The following STK16 variants were observed in gnomAD, a reference collection of about 807,000 sequenced individuals.
STK16 encodes the protein serine/threonine-protein kinase 16.
Under a neutral mutation model 37.8 loss-of-function variants are expected in STK16, and 28 were observed. The observed-to-expected ratio is 0.74, with a 90% CI of 0.55 to 1.02. The LOEUF (loss-of-function observed/expected upper bound fraction) is 1.02. STK16 is among the 50% of genes least tolerant of loss of function. STK16 has a pLI of 0.00. For synonymous variants in STK16, 134 were observed against 155.0 expected, an observed-to-expected ratio of 0.86 and a Z score of 1.01; for missense variants, 349 against 390.6, an observed-to-expected ratio of 0.89 and a Z score of 0.90.
At position 219,249,786 on chromosome 2, in the gene STK16, C is replaced by T; in HGVS notation, c.*1227C>T. ...AGACAGGAAGCTATGCAAAGCTGCT[C>T]AGAGGTGCAGTGGCACAAACAACTC... On this transcript the variant is annotated 3_prime_UTR_variant, in exon 8 of 8. Coordinates refer to ENST00000396738, the MANE Select transcript of STK16 (RefSeq NM_001330213.2). The T allele has an allele frequency of 6.5e-6, 1 of 153,698 alleles. No homozygotes were observed. The allele number at this position is 153,698 out of a possible 1,614,324, so 9.5% of individuals were successfully genotyped here. A position where few individuals can be genotyped will look rare whatever the true frequency, so the allele number is the denominator to read the frequency against.
rs371450121 is a variant in STK16 at position 219,247,224 on chromosome 2, C to A, written c.418C>A (p.His140Asn). Residue 140 changes from histidine (H) to asparagine (N), a missense_variant, in exon 4 of 8, where the codon CAT becomes AAT. By Grantham distance (68) the His-to-Asn change is moderately conservative (BLOSUM62 1). Transcript: ENST00000396738. ...GATCTGCAGAGGCCTTGAGGCCATT[C>A]ATGCCAAGGGTTATGCCCACAGGTC... is the stretch of plus-strand genomic sequence containing the variant. The part of the protein sequence containing the change: ...LGICRGLEAI[H>N]AKGYAHRDLK... The A allele has an allele frequency of 6.2e-7, 1 of 1,614,114 alleles. No homozygotes were observed. Among genetic ancestry groups the A allele is most frequent in the Non-Finnish European group, 8.5e-7 (1 of 1,180,050 alleles).
Position 219,246,766 on chromosome 2 carries a change from G to A in STK16, c.196G>A (p.Ala66Thr). 3 of 1,614,230 alleles carry A rather than the reference G, an allele frequency of 1.9e-6. No homozygotes were observed. The highest frequency in any genetic ancestry group is 2.2e-5 in the South Asian group (2 of 91,088). The change falls in exon 3 of 8, where the codon GCC becomes ACC. Residue 66 changes from alanine (A) to threonine (T), a missense_variant. Ala to Thr is a moderately conservative substitution (Grantham distance 58). Coordinates refer to ENST00000396738, the MANE Select transcript of STK16 (RefSeq NM_001330213.2). This position sits in a 1 kb window ranked among gnomAD's most constrained non-coding sequence, Gnocchi z 4.5. ...GGACCGGGAGGAGGCCCAGCGAGAA[G>A]CCGACATGCATCGCCTCTTCAATCA... Reference protein sequence around the residue: ...QQDREEAQREADMHRLFNHPN... With the variant: ...QQDREEAQRETDMHRLFNHPN...
In STK16 at chr2:219,248,465, T is replaced by C. The variant is rs1196908754; in HGVS notation, c.824T>C (p.Val275Ala). 32 of 1,614,166 alleles carry C rather than the reference T, an allele frequency of 2.0e-5. No individual in the cohort carries two copies. Among genetic ancestry groups the C allele is most frequent in the Non-Finnish European group, 2.7e-5 (32 of 1,180,024 alleles). ...CAGCTCCTGAACTCGATGATGACCGTGGACCCGCATCAGCGTCCTCACATT... is the reference window on the plus strand; with the variant it reads ...CAGCTCCTGAACTCGATGATGACCGCGGACCCGCATCAGCGTCCTCACATT... Reference protein sequence around the residue: ...LRQLLNSMMTVDPHQRPHIPL... With the variant: ...LRQLLNSMMTADPHQRPHIPL... Residue 275 changes from valine (V) to alanine (A), a missense_variant, in exon 8 of 8, where the codon GTG (valine) becomes GCG (alanine). Physicochemically the swap from Val to Ala is moderately conservative, Grantham distance 64. Coordinates refer to ENST00000396738, the MANE Select transcript of STK16 (RefSeq NM_001330213.2).
chr2:219,248,011 A>T, intron 6 of STK16, 182 bp from the exon 7 acceptor site: 4 of 951,666 alleles, frequency 4.2e-6, no homozygotes, highest in Non-Finnish European at 6.5e-6. Context: ...AGCAGGGGCT[A>T]AGCTAAACAG....
chr2:219,247,371 T>C (rs1050895209), intron 4 of STK16, 44 bp from the exon 5 acceptor site: 3 of 1,610,910 alleles, frequency 1.9e-6, no homozygotes, highest in South Asian at 2.2e-5. Flanking sequence ...GATTCCAGCC[T>C]TCCTGTCCAG....
intron 6 of STK16, 130 bp downstream of exon 6, chr2:219,247,887 C>A (rs1272541650): frequency 1.1e-6 from 1 of 935,478 alleles, no homozygotes; most frequent in Non-Finnish European, 1.7e-6. Flanking sequence ...TCCACTTCAA[C>A]TTCCTTCCTG....
rs528622199 is a variant in STK16, at chr2:219,247,148, G to C, written c.342G>C (p.Lys114Asn). The C allele has an allele frequency of 3.7e-6, 6 of 1,614,210 alleles. No homozygotes were observed. In the African/African-American group the frequency reaches 8.0e-5, roughly 22 times the overall value. ...TGTGGAATGAGATAGAAAGGCTGAA[G>C]GACAAAGGCAACTTCCTGACCGAGG... ...GTLWNEIERL[K>N]DKGNFLTEDQ... Residue 114 changes from lysine to asparagine, a missense_variant, in exon 4 of 8, where the codon AAG becomes AAC. Transcript: ENST00000396738.
rs8447 is a variant in STK16 at position 219,248,662 on chromosome 2, G to A, written c.*103G>A. On this transcript the variant is annotated 3_prime_UTR_variant, in exon 8 of 8. Transcript: ENST00000396738. ...CCATCCAGGACTTCTCTTACACTTG[G>A]GGGTAGCGGGGTCAGGACAATCATC... 944,663 of 1,444,730 alleles carry A rather than the reference G, an allele frequency of 0.65. 321,833 individuals carry two copies. The highest frequency in any genetic ancestry group is 0.71 in the Non-Finnish European group (761,880 of 1,069,198). 89.5% of individuals were successfully genotyped at this position (1,444,730 alleles called of 1,614,324 possible).
In STK16 at chr2:219,250,320, T is replaced by C. The variant is rs771067583; in HGVS notation, c.*1761T>C. The stretch of plus-strand genomic sequence containing the variant: ...TGTTTATTTCGAAAGGATTTTGCAA[T>C]AAACATAGTGAATAGGCTCCAGGCA... On this transcript the variant is annotated 3_prime_UTR_variant, in exon 8 of 8. Coordinates refer to ENST00000396738, the MANE Select transcript of STK16 (RefSeq NM_001330213.2). This position sits in a 1 kb window ranked among gnomAD's most constrained non-coding sequence, Gnocchi z 8.4. 1.9e-6 allele frequency: 3 copies of C among 1,572,044 alleles called. No homozygotes were observed. Among genetic ancestry groups the C allele is most frequent in the Admixed American group, 3.7e-5 (2 of 53,832 alleles).
At chr2:219,248,383 A>T (rs1346499907) in intron 7 of STK16, 38 bp from the exon 8 acceptor site, 1 of 1,612,602 alleles carries the variant, frequency 6.2e-7, no homozygotes, top group East Asian at 2.2e-5. Context: ...GTTGACAGAT[A>T]GGTGTCATCC....
rs1358456340 is a variant in STK16, at chr2:219,245,684, C to G, written c.-217C>G. ...GGAGCGGGGGCTGCCCAAAGATGGGCTGGGGTTGGAGGAAGTGGCCCGGTA... is the reference window on the plus strand; with the variant it reads ...GGAGCGGGGGCTGCCCAAAGATGGGGTGGGGTTGGAGGAAGTGGCCCGGTA... On this transcript the variant is annotated 5_prime_UTR_variant, in exon 1 of 8. Coordinates refer to ENST00000396738, the MANE Select transcript of STK16 (RefSeq NM_001330213.2). The G allele has an allele frequency of 4.7e-6, 1 of 212,062 alleles. No individual in the cohort carries two copies. The highest frequency in any genetic ancestry group is 9.6e-6 in the Non-Finnish European group (1 of 104,298). 13.1% of individuals were successfully genotyped at this position (212,062 alleles called of 1,614,324 possible).
Position 219,248,472 on chromosome 2 carries a change from G to A in STK16, c.831G>A (p.Pro277=), listed in dbSNP as rs1346893546. 7 of 1,614,150 alleles carry A rather than the reference G, an allele frequency of 4.3e-6. No homozygotes were observed. Among genetic ancestry groups the A allele is most frequent in the African/African-American group, 1.3e-5 (1 of 75,020 alleles). Residue 277 remains proline (P), a synonymous_variant, in exon 8 of 8, where the codon CCG becomes CCA. Coordinates refer to ENST00000396738, the MANE Select transcript of STK16 (RefSeq NM_001330213.2). The part of the protein sequence containing the change: ...QLLNSMMTVD[P]HQRPHIPLLL... The stretch of plus-strand genomic sequence containing the variant: ...TGAACTCGATGATGACCGTGGACCC[G>A]CATCAGCGTCCTCACATTCCTCTCC...
In STK16 at chr2:219,247,126, G is replaced by A; in HGVS notation, c.320G>A (p.Trp107Ter). 6.2e-7 allele frequency: 1 copy of A among 1,614,238 alleles called. No individual in the cohort carries two copies. Among genetic ancestry groups the A allele is most frequent in the African/African-American group, 1.3e-5 (1 of 75,070 alleles). The change falls in exon 4 of 8, where the codon TGG (tryptophan) becomes TAG (stop). Residue 107 changes from tryptophan (W) to a stop codon, truncating the protein, a stop_gained. Transcript: ENST00000396738. LOFTEE classifies it high-confidence loss of function. ...LLPFFKRGTL[W>*]NEIERLKDKG... ...CTTGTGTTGCAGAGAGGTACGCTGT[G>A]GAATGAGATAGAAAGGCTGAAGGAC...
chr2:219,247,450 A>C lies in STK16; in HGVS notation c.476A>C (p.Glu159Ala), dbSNP rs1328417631. The C allele has an allele frequency of 2.5e-6, 4 of 1,614,164 alleles. No individual in the cohort carries two copies. The South Asian group carries it at 3.3e-5, about 13-fold the overall frequency. Residue 159 changes from glutamate (E) to alanine (A), a missense_variant, in exon 5 of 8, where the codon GAG becomes GCG. Coordinates refer to ENST00000396738, the MANE Select transcript of STK16 (RefSeq NM_001330213.2). ...LKPTNILLGD[E>A]GQPVLMDLGS... is the part of the protein sequence containing the mutation. ...CCCACCAATATATTGCTTGGAGATG[A>C]GGGGCAGCCAGTTTTAATGGACTTG...
chr2:219,247,227 GC>G lies in STK16; in HGVS notation c.423del (p.Lys142ArgfsTer8). ...GICRGLEAIH[A>X]KGYAHRDLKP... ...CTGCAGAGGCCTTGAGGCCATTCATGCCAAGGGTTATGCCCACAGGTCAGTG... is the reference window on the plus strand; with the variant it reads ...CTGCAGAGGCCTTGAGGCCATTCATGCAAGGGTTATGCCCACAGGTCAGTG... On this transcript the variant is annotated frameshift_variant, in exon 4 of 8. Transcript: ENST00000396738. LOFTEE classifies it high-confidence loss of function. The G allele has an allele frequency of 6.2e-7, 1 of 1,614,206 alleles. No individual in the cohort carries two copies. The highest frequency in any genetic ancestry group is 8.5e-7 in the Non-Finnish European group (1 of 1,180,038).
rs772080525 is a variant in STK16, at chr2:219,247,241, CCA to C, written c.438_439del (p.His146GlnfsTer13). On this transcript the variant is annotated frameshift_variant, in exon 4 of 8. Transcript: ENST00000396738. LOFTEE classifies it high-confidence loss of function. ...LEAIHAKGYA[H>X]RDLKPTNILL... ...AGGCCATTCATGCCAAGGGTTATGC[CCA>C]CAGGTCAGTGGGAGGACCCTGTGTG... 1 of 1,614,046 alleles carries C rather than the reference CCA, an allele frequency of 6.2e-7. No homozygotes were observed. The highest frequency in any genetic ancestry group is 2.2e-5 in the East Asian group (1 of 44,902).
At position 219,245,952 on chromosome 2, in the gene STK16, G is replaced by C. The variant is rs1574876504; in HGVS notation, c.-48G>C. 4.6e-6 allele frequency: 7 copies of C among 1,529,202 alleles called. No homozygotes were observed. The highest frequency in any genetic ancestry group is 5.4e-6 in the Non-Finnish European group (6 of 1,109,542). The allele number at this position is 1,529,202 out of a possible 1,614,324, so 94.7% of individuals were successfully genotyped here. ...GGAAGAGCCCACTCACCCTGGACGA[G>C]CTCTTCGGTAGCCTCAGACCGTCCT... On this transcript the variant is annotated 5_prime_UTR_variant, in exon 2 of 8. Coordinates refer to ENST00000396738, the MANE Select transcript of STK16 (RefSeq NM_001330213.2).
intron 4 of STK16, 73 bp downstream of exon 4, chr2:219,247,319 G>A (rs1345790783): frequency 6.2e-7 from 1 of 1,609,260 alleles, no homozygotes; most frequent in Non-Finnish European, 8.5e-7. Flanking sequence ...GGAGGTCTCT[G>A]TTCTCCCAAG....
chr2:219,247,245 A>G lies in STK16; in HGVS notation c.439A>G (p.Arg147Gly). ...EAIHAKGYAHRDLKPTNILLG... is the reference protein window; with the variant it reads ...EAIHAKGYAHGDLKPTNILLG... ...CATTCATGCCAAGGGTTATGCCCACAGGTCAGTGGGAGGACCCTGTGTGCT... is the reference window on the plus strand; with the variant it reads ...CATTCATGCCAAGGGTTATGCCCACGGGTCAGTGGGAGGACCCTGTGTGCT... Residue 147 changes from arginine to glycine, a missense_variant and splice_region_variant, in exon 4 of 8, where the codon AGA becomes GGA. By Grantham distance (125) the Arg-to-Gly change is moderately radical. Coordinates refer to ENST00000396738, the MANE Select transcript of STK16 (RefSeq NM_001330213.2). 1 of 1,614,198 alleles carries G rather than the reference A, an allele frequency of 6.2e-7. No individual in the cohort carries two copies. Among genetic ancestry groups the G allele is most frequent in the Non-Finnish European group, 8.5e-7 (1 of 1,180,038 alleles).
Sources: gnomAD v4.1 joint callset for allele counts on GRCh38, gnomAD v4.1.1 for gene constraint, Gnocchi (gnomAD v3.1) non-coding constraint, MANE v1.5 for transcripts, NCBI Gene and HGNC (gene_info 2026-07-23, HGNC 2026-07-21) for gene names.